The following MASTL variants were observed in gnomAD, a reference collection of about 807,000 sequenced individuals.
MASTL encodes the protein microtubule associated serine/threonine kinase like.
MASTL carries 54 observed loss-of-function variants against 82.5 expected under a neutral mutation model. That is an observed-to-expected ratio of 0.65 (90% CI 0.53 to 0.82). MASTL has a LOEUF of 0.82. Ranked by LOEUF, MASTL falls within the 40% of genes least tolerant of loss-of-function variation. The probability of loss-of-function intolerance (pLI) is 0.00; values close to 1 mark genes in which losing one functional copy is unlikely to be tolerated. For synonymous variants in MASTL, 323 were observed against 368.9 expected, an observed-to-expected ratio of 0.88 and a Z score of 1.43; for missense variants, 950 against 1,047.8, an observed-to-expected ratio of 0.91 and a Z score of 1.29.
At chr10:27,175,584 T>C (rs1428026420) in intron 9 of MASTL, among the ~76,000 whole-genome samples, 1 of 152,154 alleles carries the variant, frequency 6.6e-6, no homozygotes, top group Non-Finnish European at 1.5e-5. Context: ...GTTCCTTCCT[T>C]ACCTCTTCTA....
chr10:27,161,956 T>A (rs762741657), intron 4 of MASTL, among the ~76,000 whole-genome samples: 7 of 152,106 alleles, frequency 4.6e-5, no homozygotes, highest in African/African-American at 1.7e-4. Context: ...TTAACACATA[T>A]ATGTATATAT....
chr10:27,181,695 C>T (rs1450652223), intron 11 of MASTL, 114 bp downstream of exon 11: 5 of 708,938 alleles, frequency 7.1e-6, no homozygotes, highest in African/African-American at 1.8e-5. Flanking sequence ...AATCCCAGCA[C>T]TTTGGGAGGC....
chr10:27,167,999 C>A (rs1161151766), intron 7 of MASTL, among the ~76,000 whole-genome samples: 1 of 152,116 alleles, frequency 6.6e-6, no homozygotes, highest in Non-Finnish European at 1.5e-5. Flanking sequence ...GTGGTAGGAA[C>A]TAAAATTTAA....
chr10:27,171,974 A>C (rs1355326407), intron 8 of MASTL, among the ~76,000 whole-genome samples: 1 of 151,722 alleles, frequency 6.6e-6, no homozygotes, highest in African/African-American at 2.4e-5. Flanking sequence ...GACTACAGGC[A>C]TGTGCCACCA....
In MASTL at chr10:27,169,636, C is replaced by T. The variant is rs138357944; in HGVS notation, c.985-308C>T. Among the ~76,000 whole-genome samples the T allele has an allele frequency of 2.1e-3, 326 of 151,804 alleles. 1 individual carries two copies. Among genetic ancestry groups the T allele is most frequent in the African/African-American group, 7.5e-3 (309 of 41,394 alleles). ...AGATATGTACGTAATGCAGCCTTAC[C>T]CCAAAATGTGCCTGAATATGTTGCC... is the stretch of plus-strand genomic sequence containing the variant. On this transcript the variant is annotated intron_variant, in intron 7 of 11. Transcript: ENST00000375940.
intron 11 of MASTL, among the ~76,000 whole-genome samples, chr10:27,182,509 G>A (rs571848806): frequency 3.6e-4 from 55 of 152,242 alleles, no homozygotes; most frequent in Non-Finnish European, 6.2e-4. Flanking sequence ...CACTTTGGGA[G>A]GCTGCAGCTG....
At chr10:27,183,187 T>G (rs1412624507) in intron 11 of MASTL, among the ~76,000 whole-genome samples, 1 of 152,180 alleles carries the variant, frequency 6.6e-6, no homozygotes, top group Admixed American at 6.5e-5. Context: ...TATATACCAC[T>G]CAGTAGTTTT....
In MASTL at chr10:27,170,301, G is replaced by C. The variant is rs199853091; in HGVS notation, c.1342G>C (p.Glu448Gln). ...LGKRSLKRNF[E>Q]LVDSSPCKKI... ...GAAAAGAAGTTTAAAAAGAAATTTT[G>C]AGTTGGTTGACTCCAGTCCTTGTAA... The change falls in exon 8 of 12, where the codon GAG becomes CAG. Residue 448 changes from glutamate (E) to glutamine (Q), a missense_variant. By Grantham distance (29) the Glu-to-Gln change is conservative. Transcript: ENST00000375940. 2 of 1,613,916 alleles carry C rather than the reference G, an allele frequency of 1.2e-6. No individual in the cohort carries two copies. Among genetic ancestry groups the C allele is most frequent in the Non-Finnish European group, 8.5e-7 (1 of 1,179,868 alleles).
At position 27,159,082 on chromosome 10, in the gene MASTL, A is replaced by G. The variant is rs2057487136; in HGVS notation, c.324+396A>G. 6.6e-6 allele frequency among the ~76,000 whole-genome samples: 1 copy of G among 152,210 alleles called. No individual in the cohort carries two copies. The highest frequency in any genetic ancestry group is 2.4e-5 in the African/African-American group (1 of 41,458). On this transcript the variant is annotated intron_variant, in intron 2 of 11. Coordinates refer to ENST00000375940, the MANE Select transcript of MASTL (RefSeq NM_001172303.3). This position sits in a 1 kb window ranked among gnomAD's most constrained non-coding sequence, Gnocchi z 4.0. ...TAGCTGGGCATGGTGGTATGCAGCT[A>G]GCTAATAGAGATACCATTGCACATA... is the stretch of plus-strand genomic sequence containing the variant.
At chr10:27,158,742 G>A in intron 2 of MASTL, 56 bp downstream of exon 2, 6 of 1,585,492 alleles carry the variant, frequency 3.8e-6, no homozygotes, top group Non-Finnish European at 5.2e-6. Flanking sequence ...ATTGAACCTA[G>A]TGATTTAAGA....
chr10:27,181,106 TG>T (rs780797104), intron 10 of MASTL, 40 bp downstream of exon 10: 1 of 1,402,918 alleles, frequency 7.1e-7, no homozygotes, highest in Non-Finnish European at 1.0e-6. Context: ...ATTTACTGGC[TG>T]GGCATAGTGG....
rs547988294 is a variant in MASTL, at chr10:27,176,647, T to G, written c.2266+3388T>G. Reference sequence around the variant, plus strand: ...TAGTATCTTCCAGTCAAATTCCTTCTCATTTCATCATTTCAAATGTTACCT... The same window carrying G: ...TAGTATCTTCCAGTCAAATTCCTTCGCATTTCATCATTTCAAATGTTACCT... On this transcript the variant is annotated intron_variant, in intron 9 of 11. Transcript: ENST00000375940. 2.6e-5 allele frequency among the ~76,000 whole-genome samples: 4 copies of G among 152,290 alleles called. No individual in the cohort carries two copies. In the South Asian group the frequency reaches 8.3e-4, roughly 32 times the overall value.
rs760857915 is a variant in MASTL, at chr10:27,171,001, T to C, written c.2042T>C (p.Met681Thr). Residue 681 changes from methionine (M) to threonine (T), a missense_variant, in exon 8 of 12, where the codon ATG (methionine) becomes ACG (threonine). Coordinates refer to ENST00000375940, the MANE Select transcript of MASTL (RefSeq NM_001172303.3). ...ATGAACATGACTTCTTTAGATGCAATGGATATTTCGTGTGCCTACAGTGGT... is the reference window on the plus strand; with the variant it reads ...ATGAACATGACTTCTTTAGATGCAACGGATATTTCGTGTGCCTACAGTGGT... Reference protein sequence around the residue: ...SRMNMTSLDAMDISCAYSGSY... With the variant: ...SRMNMTSLDATDISCAYSGSY... The C allele has an allele frequency of 1.9e-6, 3 of 1,613,998 alleles. No homozygotes were observed. Among genetic ancestry groups the C allele is most frequent in the East Asian group, 4.5e-5 (2 of 44,876 alleles).
At chr10:27,173,858 C>A (rs1010269913) in intron 9 of MASTL, among the ~76,000 whole-genome samples, 5 of 151,900 alleles carry the variant, frequency 3.3e-5, no homozygotes, top group Admixed American at 6.6e-5. Context: ...GGATTACAGG[C>A]GTGAGCCACC....
chr10:27,173,265 G>C lies in MASTL; in HGVS notation c.2266+6G>C, dbSNP rs756397369. ...GTTACTAGGCAGGGCCCATGGTAAG[G>C]CATGCATGTCTTGAGTTTTTGAAGT... On this transcript the variant is annotated splice_donor_region_variant and intron_variant, in intron 9 of 11. Transcript: ENST00000375940. 6.2e-7 allele frequency: 1 copy of C among 1,613,952 alleles called. No individual in the cohort carries two copies. The highest frequency in any genetic ancestry group is 8.5e-7 in the Non-Finnish European group (1 of 1,179,940).
intron 9 of MASTL, 96 bp downstream of exon 9, chr10:27,173,355 C>T: frequency 7.2e-7 from 1 of 1,386,382 alleles, no homozygotes. Flanking sequence ...ACTTACGTTA[C>T]CTAAAGTAAA....
At chr10:27,182,028 T>C (rs1206553259) in intron 11 of MASTL, among the ~76,000 whole-genome samples, 2 of 149,812 alleles carry the variant, frequency 1.3e-5, no homozygotes, top group African/African-American at 4.9e-5. Flanking sequence ...TGAGCCAAGA[T>C]TGTGCCACTG....
chr10:27,167,122 A>C lies in MASTL; in HGVS notation c.832A>C (p.Asn278His). Residue 278 changes from asparagine to histidine, a missense_variant, in exon 7 of 12, where the codon AAC (asparagine) becomes CAC (histidine). By Grantham distance (68) the Asn-to-His change is moderately conservative (BLOSUM62 1). Transcript: ENST00000375940. ...TATAGGTCTTGAAACAGTTGCCTCCAACCCAGGAATGCCTGTGAAGTGTCT... is the reference window on the plus strand; with the variant it reads ...TATAGGTCTTGAAACAGTTGCCTCCCACCCAGGAATGCCTGTGAAGTGTCT... ...LKSCLETVAS[N>H]PGMPVKCLTS... 1 of 1,614,058 alleles carries C rather than the reference A, an allele frequency of 6.2e-7. No individual in the cohort carries two copies. Among genetic ancestry groups the C allele is most frequent in the Non-Finnish European group, 8.5e-7 (1 of 1,179,932 alleles).
Position 27,158,686 on chromosome 10 carries a change from G to A in MASTL, c.324G>A (p.Leu108=). Residue 108 remains leucine (L), a splice_region_variant and synonymous_variant, in exon 2 of 12, where the codon TTG becomes TTA. Transcript: ENST00000375940. ...TGCAGTCTGCAAACAATGTCTACTTGGTGAGTAAATAATTTTTATGTTGTT... is the reference window on the plus strand; with the variant it reads ...TGCAGTCTGCAAACAATGTCTACTTAGTGAGTAAATAATTTTTATGTTGTT... ...YSLQSANNVY[L]VMEYLIGGDV... is the part of the protein sequence containing the mutation. 6.2e-7 allele frequency: 1 copy of A among 1,613,696 alleles called. No homozygotes were observed. The highest frequency in any genetic ancestry group is 8.5e-7 in the Non-Finnish European group (1 of 1,179,670).
Sources: allele counts gnomAD v4.1 joint callset (sites outside exome capture counted in the v4.1 genomes callset), GRCh38; gene constraint gnomAD v4.1.1; non-coding constraint Gnocchi (gnomAD v3.1); transcripts MANE v1.5; gene names NCBI Gene and HGNC (gene_info 2026-07-23, HGNC 2026-07-21).